IFT56: variants seen among roughly 807,000 people sequenced by gnomAD.
IFT56 encodes intraflagellar transport protein 56.
the IFT56 span, among the ~76,000 whole-genome samples, chr7:139,164,191 T>C: frequency 6.6e-6 from 1 of 152,210 alleles, no homozygotes; most frequent in Non-Finnish European, 1.5e-5. Context: ...AGTGGGCATA[T>C]AGTACATGCT....
the IFT56 span, among the ~76,000 whole-genome samples, chr7:139,166,556 TG>T: frequency 0.13 from 20,199 of 151,942 alleles, 2,598 homozygotes; most frequent in African/African-American, 0.29. Context: ...AAGAAATCAT[TG>T]CTTTTCTTAT....
chr7:139,143,537 T>C, the IFT56 span, among the ~76,000 whole-genome samples: 2 of 152,118 alleles, frequency 1.3e-5, no homozygotes, highest in African/African-American at 2.4e-5. Flanking sequence ...TCATCTATCC[T>C]TTTACTTTCT....
the IFT56 span, among the ~76,000 whole-genome samples, chr7:139,141,599 T>G: frequency 6.6e-6 from 1 of 152,356 alleles, no homozygotes; most frequent in South Asian, 2.1e-4. Context: ...CTATCTCTAT[T>G]TCCATATTTT....
chr7:139,183,282 G>A, the IFT56 span, among the ~76,000 whole-genome samples: 1 of 152,150 alleles, frequency 6.6e-6, no homozygotes, highest in Non-Finnish European at 1.5e-5. Context: ...CCACCCACTA[G>A]TTTGGTGATT....
At chr7:139,145,256 G>A in the IFT56 span, among the ~76,000 whole-genome samples, 6 of 151,754 alleles carry the variant, frequency 4.0e-5, no homozygotes, top group South Asian at 2.1e-4. Flanking sequence ...CTTGAAGCTC[G>A]CTTAGTTTTC....
the IFT56 span, chr7:139,142,377 A>T: frequency 1.6e-6 from 2 of 1,260,982 alleles, no homozygotes; most frequent in Non-Finnish European, 2.3e-6. Flanking sequence ...TGTTACTAAC[A>T]CTAGTGAGAG....
the IFT56 span, among the ~76,000 whole-genome samples, chr7:139,149,850 C>G: frequency 6.6e-6 from 1 of 151,700 alleles, no homozygotes; most frequent in Non-Finnish European, 1.5e-5. Flanking sequence ...TAACACATAA[C>G]TTTACTAACA....
the IFT56 span, chr7:139,178,653 C>G: frequency 6.8e-7 from 1 of 1,459,880 alleles, no homozygotes. Context: ...ACATCCTTAT[C>G]TTTTTCTCAC....
chr7:139,165,231 C>T, the IFT56 span: 1 of 1,609,948 alleles, frequency 6.2e-7, no homozygotes, highest in Non-Finnish European at 8.5e-7. Flanking sequence ...CTACCTTCGT[C>T]AAGGTAAGAA....
At chr7:139,145,983 T>TTTTC in the IFT56 span, among the ~76,000 whole-genome samples, 3 of 152,222 alleles carry the variant, frequency 2.0e-5, no homozygotes, top group Non-Finnish European at 4.4e-5. Flanking sequence ...TTTTACTCTC[T>TTTTC]TTTCTTCCAG....
chr7:139,148,305 T>C, the IFT56 span: 1 of 1,614,108 alleles, frequency 6.2e-7, no homozygotes, highest in Non-Finnish European at 8.5e-7. Context: ...TTCAGCAAAT[T>C]CCTGATAGTA....
At chr7:139,145,765 G>A in the IFT56 span, among the ~76,000 whole-genome samples, 2 of 152,058 alleles carry the variant, frequency 1.3e-5, no homozygotes, top group Non-Finnish European at 2.9e-5. Flanking sequence ...GATGTTCTTG[G>A]TGGGAGCACT....
At chr7:139,182,978 A>C in the IFT56 span, among the ~76,000 whole-genome samples, 1 of 152,194 alleles carries the variant, frequency 6.6e-6, no homozygotes, top group South Asian at 2.1e-4. Context: ...ACAGTCTTAA[A>C]AAATTTGATA....
At chr7:139,190,480 C>G in the IFT56 span, 1 of 152,326 alleles carries the variant, frequency 6.6e-6, no homozygotes, top group African/African-American at 2.4e-5. Context: ...CTCCTGACCT[C>G]GTGATCCGCC....
chr7:139,163,792 A>G, the IFT56 span, among the ~76,000 whole-genome samples: 1 of 152,202 alleles, frequency 6.6e-6, no homozygotes, highest in Non-Finnish European at 1.5e-5. Flanking sequence ...TGGGATCAAG[A>G]AGACAGGTGA....
chr7:139,158,342 A>AG, the IFT56 span, among the ~76,000 whole-genome samples: 2 of 150,520 alleles, frequency 1.3e-5, no homozygotes, highest in Non-Finnish European at 2.9e-5. Flanking sequence ...AAGTAAAAAA[A>AG]GAAATATCCT....
At chr7:139,136,366 A>G in the IFT56 span, among the ~76,000 whole-genome samples, 1 of 152,126 alleles carries the variant, frequency 6.6e-6, no homozygotes, top group East Asian at 1.9e-4. Flanking sequence ...TGCTATGTAT[A>G]TATCTATTTT....
At chr7:139,184,882 G>A in the IFT56 span, among the ~76,000 whole-genome samples, 3 of 150,352 alleles carry the variant, frequency 2.0e-5, no homozygotes, top group Non-Finnish European at 2.9e-5. Flanking sequence ...GTGAAACCCC[G>A]TCTCTACTAA....
the IFT56 span, among the ~76,000 whole-genome samples, chr7:139,172,099 C>T: frequency 6.8e-6 from 1 of 147,622 alleles, no homozygotes. Context: ...CAGAGTTGCT[C>T]AGCTTCATCA....
Sources: allele counts gnomAD v4.1 joint callset (sites outside exome capture counted in the v4.1 genomes callset), GRCh38; gene constraint gnomAD v4.1.1; transcripts MANE v1.5; gene names NCBI Gene and HGNC (gene_info 2026-07-23, HGNC 2026-07-21).